Variants in SLC6A16 observed in about 807,000 individuals in gnomAD.
The protein encoded by SLC6A16 is orphan sodium- and chloride-dependent neurotransmitter transporter NTT5.
A neutral mutation model predicts 65.4 loss-of-function variants in SLC6A16; 54 were observed. The ratio of observed to expected loss-of-function variants is 0.83; its 90% CI spans 0.66 to 1.04. The LOEUF (loss-of-function observed/expected upper bound fraction) is 1.04. Among genes scored for constraint, SLC6A16 ranks in the 50% least tolerant of loss-of-function variants. The probability of loss-of-function intolerance (pLI) is 0.00; values close to 1 mark genes in which losing one functional copy is unlikely to be tolerated. For synonymous variants in SLC6A16, 330 were observed against 346.5 expected (o/e 0.95, Z 0.53); for missense variants, 816 against 914.0 (o/e 0.89, Z 1.38).
rs1970463543 is a variant in SLC6A16 at position 49,309,385 on chromosome 19, G to A, written c.903C>T (p.Pro301=). Residue 301 remains proline, a synonymous_variant, in exon 6 of 12, where the codon CCC becomes CCT. Coordinates refer to ENST00000335875, the MANE Select transcript of SLC6A16 (RefSeq NM_014037.3). Reference sequence around the variant, plus strand: ...TGAAGAAACCGACAATGATGAAACAGGGGAGCAGTACCAAGACATAGATTA... The same window carrying A: ...TGAAGAAACCGACAATGATGAAACAAGGGAGCAGTACCAAGACATAGATTA... The part of the protein sequence containing the change: ...GKVIYVLVLL[P]CFIIVGFFIR... The A allele has an allele frequency of 1.9e-6, 3 of 1,614,006 alleles. No homozygotes were observed. The highest frequency in any genetic ancestry group is 2.5e-6 in the Non-Finnish European group (3 of 1,179,912).
intron 1 of SLC6A16, among the ~76,000 whole-genome samples, chr19:49,318,715 CAGAT>C (rs1418821280): frequency 2.6e-5 from 4 of 152,024 alleles, no homozygotes; most frequent in Admixed American, 6.6e-5. Flanking sequence ...GCTAGACAGA[CAGAT>C]AGATATTTTC....
chr19:49,339,645 C>T, the SLC6A16 span: 34 of 1,429,934 alleles, frequency 2.4e-5, no homozygotes, highest in Non-Finnish European at 3.1e-5. The surrounding 1 kb of genome is among the most constrained non-coding windows in gnomAD (Gnocchi z 4.5). Context: ...ATCTCCCTCC[C>T]CTTTCTCCGC....
chr19:49,308,440 G>A (rs560865723), intron 7 of SLC6A16, among the ~76,000 whole-genome samples: 10 of 152,168 alleles, frequency 6.6e-5, no homozygotes, highest in African/African-American at 2.2e-4. Context: ...GTGAAAGAGC[G>A]AGACTCCATC....
intron 8 of SLC6A16, 108 bp downstream of exon 8, chr19:49,294,259 G>T: frequency 8.9e-7 from 1 of 1,124,656 alleles, no homozygotes; most frequent in Non-Finnish European, 1.3e-6. Flanking sequence ...AGCCACAGAT[G>T]ATTCTGGTGC....
At chr19:49,339,758 G>C in the SLC6A16 span, 1 of 1,389,584 alleles carries the variant, frequency 7.2e-7, no homozygotes, top group Non-Finnish European at 9.3e-7. The surrounding 1 kb of genome is among the most constrained non-coding windows in gnomAD (Gnocchi z 4.5). Flanking sequence ...CCCGGGCCCA[G>C]CCTGATCGCT....
intron 7 of SLC6A16, among the ~76,000 whole-genome samples, chr19:49,302,252 C>A (rs976702826): frequency 6.6e-6 from 1 of 152,234 alleles, no homozygotes; most frequent in Non-Finnish European, 1.5e-5. Context: ...ACCCCAGCCT[C>A]CACTGCTGCG....
chr19:49,326,031 G>C (rs906927291), upstream of SLC6A16, among the ~76,000 whole-genome samples: 1 of 151,652 alleles, frequency 6.6e-6, no homozygotes. Flanking sequence ...TTAGCCGGGC[G>C]TGGTGGCACA....
the SLC6A16 span, chr19:49,337,034 G>A: frequency 6.2e-7 from 1 of 1,613,328 alleles, no homozygotes; most frequent in Admixed American, 1.7e-5. Context: ...CCTGGGCCTG[G>A]TGAGTGCACC....
chr19:49,306,365 T>C (rs1161358830), intron 7 of SLC6A16, among the ~76,000 whole-genome samples: 1 of 151,156 alleles, frequency 6.6e-6, no homozygotes, highest in Non-Finnish European at 1.5e-5. Flanking sequence ...ATTGCAAACA[T>C]GTTGGATGAG....
At position 49,293,375 on chromosome 19, in the gene SLC6A16, G is replaced by C; in HGVS notation, c.1626C>G (p.Val542=). 1 of 1,614,124 alleles carries C rather than the reference G, an allele frequency of 6.2e-7. No individual in the cohort carries two copies. ...GGCCGCACACGAACATGAGCAAAAA[G>C]ACTCCCACTGGAGAAAACATGAGAT... The part of the protein sequence containing the change: ...RKHTKLLIVG[V]FLLMFVCGLF... Residue 542 remains valine, a synonymous_variant, in exon 10 of 12, where the codon GTC becomes GTG. Coordinates refer to ENST00000335875, the MANE Select transcript of SLC6A16 (RefSeq NM_014037.3).
rs749656379 is a variant in SLC6A16, at chr19:49,293,859, GAGA to G, written c.1583_1585del (p.Phe528del). On this transcript the variant is annotated inframe_deletion, in exon 9 of 12. Coordinates refer to ENST00000335875, the MANE Select transcript of SLC6A16 (RefSeq NM_014037.3). Reference sequence around the variant, plus strand: ...CAGCTTTGTATGTTTCCTGAAGAAAGAGAAGGTGTCCTGGAGTGGAGTAATGAT... The same window carrying G: ...CAGCTTTGTATGTTTCCTGAAGAAAGAGGTGTCCTGGAGTGGAGTAATGAT... The G allele has an allele frequency of 6.2e-7, 1 of 1,614,084 alleles. No individual in the cohort carries two copies. Among genetic ancestry groups the G allele is most frequent in the Non-Finnish European group, 8.5e-7 (1 of 1,180,020 alleles).
the SLC6A16 span, chr19:49,331,909 AC>A: frequency 2.2e-6 from 1 of 454,666 alleles, no homozygotes; most frequent in Non-Finnish European, 4.4e-6. Context: ...TCTGCCACCT[AC>A]CCTTCGACTT....
rs536909742 is a variant in SLC6A16, at chr19:49,322,817, C to CTTTTTTTTTTTTTTTTTTT, written c.-65+2212_-65+2230dup. ...CCAAAGCAATCTACAGAATTAGTAG[C>CTTTTTTTTTTTTTTTTTTT]TTTTTTTTTTTTTTTTTTTTTTTTT... On this transcript the variant is annotated intron_variant, in intron 1 of 11. Transcript: ENST00000335875. 7.1e-5 allele frequency among the ~76,000 whole-genome samples: 3 copies of CTTTTTTTTTTTTTTTTTTT among 41,970 alleles called. 1 individual carries two copies. The highest frequency in any genetic ancestry group is 1.3e-4 in the Non-Finnish European group (3 of 22,318). The allele number at this position is 41,970 out of a possible 152,430, so 27.5% of individuals were successfully genotyped here.
the SLC6A16 span, chr19:49,338,642 G>T: frequency 7.7e-7 from 1 of 1,306,656 alleles, no homozygotes; most frequent in Non-Finnish European, 1.1e-6. This position sits in a 1 kb window ranked among gnomAD's most constrained non-coding sequence, Gnocchi z 5.0. Flanking sequence ...CTTGTCCCCT[G>T]ATCCCCAACA....
At chr19:49,338,890 G>C in the SLC6A16 span, 11 of 1,614,052 alleles carry the variant, frequency 6.8e-6, no homozygotes, top group East Asian at 8.9e-5. This position sits in a 1 kb window ranked among gnomAD's most constrained non-coding sequence, Gnocchi z 5.0. Flanking sequence ...TCCAGACACA[G>C]TGCAGACATC....
the SLC6A16 span, chr19:49,336,691 G>GT: frequency 1.9e-6 from 1 of 539,968 alleles, no homozygotes; most frequent in Non-Finnish European, 3.3e-6. Context: ...GAAGGAGAGG[G>GT]TAAGAGGAAG....
intron 7 of SLC6A16, among the ~76,000 whole-genome samples, chr19:49,306,671 T>G (rs1970394564): frequency 6.6e-6 from 1 of 151,742 alleles, no homozygotes; most frequent in Admixed American, 6.6e-5. Flanking sequence ...GCCTCCTGAG[T>G]AGCTGGGACT....
intron 7 of SLC6A16, among the ~76,000 whole-genome samples, chr19:49,299,977 G>A (rs1464313843): frequency 7.6e-6 from 1 of 131,760 alleles, no homozygotes; most frequent in Non-Finnish European, 1.5e-5. Context: ...TAGCCTCAGC[G>A]ACAGAGTGAG....
In SLC6A16 at chr19:49,290,056, C is replaced by A; in HGVS notation, c.*67G>T. On this transcript the variant is annotated 3_prime_UTR_variant, in exon 12 of 12. Coordinates refer to ENST00000335875, the MANE Select transcript of SLC6A16 (RefSeq NM_014037.3). Reference sequence around the variant, plus strand: ...ATCCAGGGAGATCAACAGTTGCAAGCTGATATTAAGAGTTGTCTATTGGAT... The same window carrying A: ...ATCCAGGGAGATCAACAGTTGCAAGATGATATTAAGAGTTGTCTATTGGAT... The A allele has an allele frequency of 6.7e-7, 1 of 1,483,076 alleles. No individual in the cohort carries two copies. 91.9% of individuals were successfully genotyped at this position (1,483,076 alleles called of 1,614,324 possible).
Sources: allele counts gnomAD v4.1 joint callset (sites outside exome capture counted in the v4.1 genomes callset), GRCh38; gene constraint gnomAD v4.1.1; non-coding constraint Gnocchi (gnomAD v3.1); transcripts MANE v1.5; gene names NCBI Gene and HGNC (gene_info 2026-07-23, HGNC 2026-07-21).